Variants in STAT1 observed in about 807,000 individuals in gnomAD.
The protein encoded by STAT1 is signal transducer and activator of transcription 1.
Under a neutral mutation model 111.7 loss-of-function variants are expected in STAT1, and 24 were observed. That is an observed-to-expected ratio of 0.21 (90% CI 0.16 to 0.30). The LOEUF (loss-of-function observed/expected upper bound fraction) is 0.30. Ranked by LOEUF, STAT1 falls within the 10% of genes least tolerant of loss-of-function variation. STAT1 has a pLI of 1.00. For synonymous variants in STAT1, 332 were observed against 326.5 expected (o/e 1.02, Z -0.18); for missense variants, 351 against 911.9 (o/e 0.38, Z 7.92).
chr2:191,002,237 AG>A (rs888874873), intron 5 of STAT1, among the ~76,000 whole-genome samples: 14 of 152,246 alleles, frequency 9.2e-5, no homozygotes, highest in African/African-American at 2.6e-4. Flanking sequence ...TTTTCCAGTT[AG>A]CTTTCCATTT....
At chr2:191,010,979 T>C (rs1459823901) in intron 2 of STAT1, among the ~76,000 whole-genome samples, 5 of 152,156 alleles carry the variant, frequency 3.3e-5, no homozygotes, top group African/African-American at 1.2e-4. Flanking sequence ...CAGGTGGCAA[T>C]ATGCAGAGCA....
At chr2:190,985,763 C>A (rs184161818) in intron 14 of STAT1, 103 bp from the exon 15 acceptor site, 21 of 1,249,426 alleles carry the variant, frequency 1.7e-5, no homozygotes, top group Non-Finnish European at 2.0e-5. Flanking sequence ...GAATGACAGA[C>A]GTGACTTTAT....
Position 190,975,226 on chromosome 2 carries a change from C to A in STAT1, c.2136-294G>T. The stretch of plus-strand genomic sequence containing the variant: ...AGCCTAGGTGTGAGCATGTGCGGTG[C>A]ACTACCCTGAGATGACAATGCCTCG... On this transcript the variant is annotated intron_variant, in intron 23 of 24. Coordinates refer to ENST00000361099, the MANE Select transcript of STAT1 (RefSeq NM_007315.4). The surrounding 1 kb of genome is among the most constrained non-coding windows in gnomAD (Gnocchi z 5.9). The A allele has an allele frequency of 2.2e-6, 1 of 460,938 alleles. No individual in the cohort carries two copies. The highest frequency in any genetic ancestry group is 2.8e-5 in the Admixed American group (1 of 35,398). 28.6% of individuals were successfully genotyped at this position (460,938 alleles called of 1,614,324 possible).
At chr2:190,972,927 G>A (rs901263982) in intron 24 of STAT1, among the ~76,000 whole-genome samples, 2 of 151,806 alleles carry the variant, frequency 1.3e-5, no homozygotes, top group Non-Finnish European at 2.9e-5. Flanking sequence ...TACAGCGAGT[G>A]TCCAAAGACC....
chr2:190,978,779 A>G lies in STAT1; in HGVS notation c.1873+77T>C. 6.4e-7 allele frequency: 1 copy of G among 1,573,254 alleles called. No individual in the cohort carries two copies. The highest frequency in any genetic ancestry group is 1.2e-5 in the South Asian group (1 of 86,814). On this transcript the variant is annotated intron_variant, in intron 21 of 24. Coordinates refer to ENST00000361099, the MANE Select transcript of STAT1 (RefSeq NM_007315.4). The surrounding 1 kb of genome is among the most constrained non-coding windows in gnomAD (Gnocchi z 6.1). ...TTCATGTCCCAAACGCACTATCTGTATGAGCTGACTGGCGGCGATGAAGAG... is the reference window on the plus strand; with the variant it reads ...TTCATGTCCCAAACGCACTATCTGTGTGAGCTGACTGGCGGCGATGAAGAG...
chr2:190,985,713 T>C, intron 14 of STAT1, 53 bp from the exon 15 acceptor site: 1 of 1,561,708 alleles, frequency 6.4e-7, no homozygotes, highest in African/African-American at 1.4e-5. Context: ...TCAAAGTTGC[T>C]ATCTTCATTT....
intron 5 of STAT1, among the ~76,000 whole-genome samples, chr2:191,002,601 G>A (rs573656629): frequency 7.4e-4 from 113 of 152,284 alleles, no homozygotes; most frequent in African/African-American, 2.6e-3. Flanking sequence ...CTCAGGGAGA[G>A]CTAACATCTT....
rs912821128 is a variant in STAT1 at position 191,000,119 on chromosome 2, C to T, written c.463-415G>A. Among the ~76,000 whole-genome samples, 6 of 152,194 alleles carry T rather than the reference C, an allele frequency of 3.9e-5. No homozygotes were observed. In the East Asian group the frequency reaches 9.6e-4, roughly 24 times the overall value. On this transcript the variant is annotated intron_variant, in intron 6 of 24. Coordinates refer to ENST00000361099, the MANE Select transcript of STAT1 (RefSeq NM_007315.4). This position sits in a 1 kb window ranked among gnomAD's most constrained non-coding sequence, Gnocchi z 4.8. ...AAGTGACCATACATCCCTGCTTTAC[C>T]GGGATAGACCTGGTTTCATACTTGC...
Position 190,971,057 on chromosome 2 carries a change from T to C in STAT1, c.2239-340A>G, listed in dbSNP as rs1406122791. ...TCATGTGAAACGGGTGAGGAAATGC[T>C]GAGCCATATGCCAGAGGGAGAGAGG... On this transcript the variant is annotated intron_variant, in intron 24 of 24. Transcript: ENST00000361099. This position sits in a 1 kb window ranked among gnomAD's most constrained non-coding sequence, Gnocchi z 4.1. Among the ~76,000 whole-genome samples, 5 of 152,192 alleles carry C rather than the reference T, an allele frequency of 3.3e-5. No individual in the cohort carries two copies. Among genetic ancestry groups the C allele is most frequent in the African/African-American group, 1.2e-4 (5 of 41,452 alleles).
chr2:191,004,142 G>C lies in STAT1; in HGVS notation c.373-2979C>G, dbSNP rs1039439543. Among the ~76,000 whole-genome samples the C allele has an allele frequency of 6.6e-6, 1 of 152,078 alleles. No homozygotes were observed. Among genetic ancestry groups the C allele is most frequent in the African/African-American group, 2.4e-5 (1 of 41,414 alleles). ...TTACCCCTTCCACTCATCCCTCCCTGCTTCCCTCCACCCTGCCCCCATCTG... is the reference window on the plus strand; with the variant it reads ...TTACCCCTTCCACTCATCCCTCCCTCCTTCCCTCCACCCTGCCCCCATCTG... On this transcript the variant is annotated intron_variant, in intron 5 of 24. Transcript: ENST00000361099. This position sits in a 1 kb window ranked among gnomAD's most constrained non-coding sequence, Gnocchi z 5.0.
rs911690240 is a variant in STAT1 at position 190,995,340 on chromosome 2, G to A, written c.786-121C>T. The stretch of plus-strand genomic sequence containing the variant: ...GCTAATAAAGACATACTCGAGACTG[G>A]AGAATTTATAAAGGAAAGAGGTTTA... On this transcript the variant is annotated intron_variant, in intron 9 of 24. Coordinates refer to ENST00000361099, the MANE Select transcript of STAT1 (RefSeq NM_007315.4). This position sits in a 1 kb window ranked among gnomAD's most constrained non-coding sequence, Gnocchi z 4.2. 1 of 1,031,560 alleles carries A rather than the reference G, an allele frequency of 9.7e-7. No homozygotes were observed. Among genetic ancestry groups the A allele is most frequent in the African/African-American group, 1.6e-5 (1 of 63,436 alleles). 63.9% of individuals were successfully genotyped at this position (1,031,560 alleles called of 1,614,324 possible).
In STAT1 at chr2:190,994,379, ACTGGTCACAGGG is replaced by A. The variant is rs776938458; in HGVS notation, c.944+670_944+681del. 4.9e-4 allele frequency among the ~76,000 whole-genome samples: 75 copies of A among 152,118 alleles called. 1 individual carries two copies. The highest frequency in any genetic ancestry group is 1.0e-3 in the Non-Finnish European group (71 of 67,974). On this transcript the variant is annotated intron_variant, in intron 10 of 24. Transcript: ENST00000361099. ...GAATGGAACTCTGCTCTGGGACAGC[ACTGGTCACAGGG>A]AGGAAGGACTGGGAAGGAGGACTGG...
chr2:191,008,957 T>C lies in STAT1; in HGVS notation c.273+6A>G, dbSNP rs760138088. ...TTTCAACTAAAATACAAAAACCAGG[T>C]CATACCTGAAGATTACGCTTGCTTT... is the stretch of plus-strand genomic sequence containing the variant. On this transcript the variant is annotated splice_donor_region_variant and intron_variant, in intron 4 of 24. Transcript: ENST00000361099. 1 of 1,613,418 alleles carries C rather than the reference T, an allele frequency of 6.2e-7. No individual in the cohort carries two copies. Among genetic ancestry groups the C allele is most frequent in the Non-Finnish European group, 8.5e-7 (1 of 1,179,636 alleles).
Position 190,975,966 on chromosome 2 carries a change from A to G in STAT1, c.2060-79T>C. On this transcript the variant is annotated intron_variant, in intron 22 of 24. Transcript: ENST00000361099. The surrounding 1 kb of genome is among the most constrained non-coding windows in gnomAD (Gnocchi z 5.9). ...ACAACATCAACTTTTCGGGGGGATT[A>G]AAGTTCTACTGTGTTTCTAGACAGC... 3.2e-6 allele frequency: 4 copies of G among 1,260,176 alleles called. No individual in the cohort carries two copies. The South Asian group carries it at 3.7e-5, about 12-fold the overall frequency. The allele number at this position is 1,260,176 out of a possible 1,614,324, so 78.1% of individuals were successfully genotyped here. A position where few individuals can be genotyped will look rare whatever the true frequency, so the allele number is the denominator to read the frequency against.
rs928906471 is a variant in STAT1, at chr2:190,977,902, C to G, written c.1874-877G>C. Among the ~76,000 whole-genome samples, 1 of 151,270 alleles carries G rather than the reference C, an allele frequency of 6.6e-6. No individual in the cohort carries two copies. The highest frequency in any genetic ancestry group is 2.4e-5 in the African/African-American group (1 of 41,072). On this transcript the variant is annotated intron_variant, in intron 21 of 24. Coordinates refer to ENST00000361099, the MANE Select transcript of STAT1 (RefSeq NM_007315.4). This position sits in a 1 kb window ranked among gnomAD's most constrained non-coding sequence, Gnocchi z 4.7. ...CTTTTTCCTCAGAAGAAAAATAGAA[C>G]AAGAAAAGTATTCCAGAAAAACAAA...
Position 190,982,364 on chromosome 2 carries a change from C to G in STAT1, c.1582+19G>C, listed in dbSNP as rs763128629. On this transcript the variant is annotated intron_variant, in intron 18 of 24. Coordinates refer to ENST00000361099, the MANE Select transcript of STAT1 (RefSeq NM_007315.4). This position sits in a 1 kb window ranked among gnomAD's most constrained non-coding sequence, Gnocchi z 7.3. ...TGAATTTCAATTTTTATAAACATAACAAGTTAATATGCATATACCAAGAAG... is the reference window on the plus strand; with the variant it reads ...TGAATTTCAATTTTTATAAACATAAGAAGTTAATATGCATATACCAAGAAG... The G allele has an allele frequency of 1.2e-6, 2 of 1,613,564 alleles. No homozygotes were observed. The highest frequency in any genetic ancestry group is 1.7e-6 in the Non-Finnish European group (2 of 1,179,596).
Position 190,978,361 on chromosome 2 carries a change from G to C in STAT1, c.1873+495C>G, listed in dbSNP as rs555676482. 3 of 181,746 alleles carry C rather than the reference G, an allele frequency of 1.7e-5. No homozygotes were observed. The East Asian group carries it at 3.7e-4, about 22-fold the overall frequency. 11.3% of individuals were successfully genotyped at this position (181,746 alleles called of 1,614,324 possible). A position where few individuals can be genotyped will look rare whatever the true frequency, so the allele number is the denominator to read the frequency against. On this transcript the variant is annotated intron_variant, in intron 21 of 24. Coordinates refer to ENST00000361099, the MANE Select transcript of STAT1 (RefSeq NM_007315.4). The surrounding 1 kb of genome is among the most constrained non-coding windows in gnomAD (Gnocchi z 6.1). The stretch of plus-strand genomic sequence containing the variant: ...AAATAGAAACCCCATATATGATAAA[G>C]ATAAATTTGCAGCTGCTCTGTTTGA...
chr2:191,005,584 G>A (rs996080303), intron 5 of STAT1, among the ~76,000 whole-genome samples: 3 of 152,318 alleles, frequency 2.0e-5, no homozygotes, highest in African/African-American at 4.8e-5. Flanking sequence ...ACCATATAGT[G>A]TAGGTGTATG....
At position 190,970,070 on chromosome 2, in the gene STAT1, A is replaced by G. The variant is rs965920313; in HGVS notation, c.*633T>C. 6.3e-6 allele frequency: 1 copy of G among 159,182 alleles called. No individual in the cohort carries two copies. The highest frequency in any genetic ancestry group is 1.4e-5 in the Non-Finnish European group (1 of 71,976). 9.9% of individuals were successfully genotyped at this position (159,182 alleles called of 1,614,324 possible). A position where few individuals can be genotyped will look rare whatever the true frequency, so the allele number is the denominator to read the frequency against. On this transcript the variant is annotated 3_prime_UTR_variant, in exon 25 of 25. Coordinates refer to ENST00000361099, the MANE Select transcript of STAT1 (RefSeq NM_007315.4). The surrounding 1 kb of genome is among the most constrained non-coding windows in gnomAD (Gnocchi z 5.4). Reference sequence around the variant, plus strand: ...CAGTAAAGCTAATATTCTCTTCTCAAGAAACAGAATTTGTCTTTGTCTTTA... The same window carrying G: ...CAGTAAAGCTAATATTCTCTTCTCAGGAAACAGAATTTGTCTTTGTCTTTA...
Sources: gnomAD v4.1 joint callset for allele counts (sites outside exome capture counted in the v4.1 genomes callset) on GRCh38, gnomAD v4.1.1 for gene constraint, Gnocchi (gnomAD v3.1) non-coding constraint, MANE v1.5 for transcripts, NCBI Gene and HGNC (gene_info 2026-07-23, HGNC 2026-07-21) for gene names.